SFXN5: variants seen among roughly 807,000 people sequenced by gnomAD.
The protein encoded by SFXN5 is sideroflexin 5.
A neutral mutation model predicts 50.2 loss-of-function variants in SFXN5; 43 were observed. The ratio of observed to expected loss-of-function variants is 0.86; its 90% confidence interval spans 0.67 to 1.11. The LOEUF (loss-of-function observed/expected upper bound fraction) is 1.11. Ranked by LOEUF, SFXN5 falls within the 50% of genes least tolerant of loss-of-function variation. SFXN5 has a pLI of 0.00. For missense variants in SFXN5, 463 were observed against 454.1 expected, an observed-to-expected ratio of 1.02 and a Z score of -0.18; for synonymous variants, 203 against 185.8, an observed-to-expected ratio of 1.09 and a Z score of -0.75.
intron 2 of SFXN5, chr2:73,049,269 A>G (rs1559203688): frequency 6.6e-6 from 1 of 152,280 alleles, no homozygotes; most frequent in Non-Finnish European, 1.5e-5. Flanking sequence ...ACCCTGTGTG[A>G]AACCTCTTTT....
At chr2:73,017,595 GA>G (rs1676332775) in intron 6 of SFXN5, among the ~76,000 whole-genome samples, 1 of 152,178 alleles carries the variant, frequency 6.6e-6, no homozygotes. Flanking sequence ...TAGCAATTCT[GA>G]AAACTCTTAT....
intron 8 of SFXN5, among the ~76,000 whole-genome samples, chr2:72,999,649 G>T (rs1454336917): frequency 6.6e-6 from 1 of 151,948 alleles, no homozygotes; most frequent in Non-Finnish European, 1.5e-5. Flanking sequence ...AGAGACTTGG[G>T]GTGGAGGTTT....
Position 73,029,987 on chromosome 2 carries a change from G to A in SFXN5, c.250-6773C>T, listed in dbSNP as rs555395465. Among the ~76,000 whole-genome samples the A allele has an allele frequency of 1.1e-3, 166 of 152,200 alleles. 1 individual carries two copies. Among genetic ancestry groups the A allele is most frequent in the African/African-American group, 3.5e-3 (147 of 41,534 alleles). On this transcript the variant is annotated intron_variant, in intron 3 of 13. Coordinates refer to ENST00000272433, the MANE Select transcript of SFXN5 (RefSeq NM_144579.3). ...CTTGGGAGGCTGAGGAAGGAGAATC[G>A]CCTGAGCCCAGGAAGCAGAGGCTGC...
rs933989691 is a variant in SFXN5 at position 73,071,477 on chromosome 2, C to T, written c.102+127G>A. The T allele has an allele frequency of 3.7e-6, 3 of 804,006 alleles. No homozygotes were observed. In the African/African-American group the frequency reaches 5.2e-5, roughly 14 times the overall value. The allele number at this position is 804,006 out of a possible 1,614,324, so 49.8% of individuals were successfully genotyped here. On this transcript the variant is annotated intron_variant, in intron 1 of 13. Coordinates refer to ENST00000272433, the MANE Select transcript of SFXN5 (RefSeq NM_144579.3). ...GGTGACTGTGACCGAGGTTCCCCCC[C>T]TGGCGCTAGCTGCAGGCTCCGCTGG...
At chr2:72,955,919 C>T (rs914645744) in intron 13 of SFXN5, among the ~76,000 whole-genome samples, 3 of 152,274 alleles carry the variant, frequency 2.0e-5, no homozygotes, top group Non-Finnish European at 2.9e-5. Flanking sequence ...ATAGCGGCCC[C>T]GGCAAGCTGC....
chr2:73,034,125 C>T (rs1255556574), intron 3 of SFXN5, among the ~76,000 whole-genome samples: 1 of 152,158 alleles, frequency 6.6e-6, no homozygotes, highest in East Asian at 1.9e-4. Context: ...ACTGCAGGGA[C>T]CCAGCCCACA....
intron 6 of SFXN5, among the ~76,000 whole-genome samples, chr2:73,016,680 G>A (rs1163124150): frequency 6.6e-6 from 1 of 152,154 alleles, no homozygotes; most frequent in Non-Finnish European, 1.5e-5. Context: ...CTCCAGCCTG[G>A]GAGACAGAGT....
chr2:72,979,329 A>T (rs1671012363), intron 10 of SFXN5, among the ~76,000 whole-genome samples: 1 of 152,178 alleles, frequency 6.6e-6, no homozygotes, highest in South Asian at 2.1e-4. Context: ...TGTTAATAGA[A>T]AAATTTCATA....
chr2:73,069,642 A>T (rs1683431800), intron 1 of SFXN5, among the ~76,000 whole-genome samples: 1 of 152,190 alleles, frequency 6.6e-6, no homozygotes, highest in African/African-American at 2.4e-5. Flanking sequence ...TGCCAAAAAG[A>T]AGTACCGCTA....
At chr2:73,053,887 C>G (rs1423003830) in intron 2 of SFXN5, among the ~76,000 whole-genome samples, 2 of 152,294 alleles carry the variant, frequency 1.3e-5, no homozygotes, top group East Asian at 3.9e-4. Flanking sequence ...TCCCAGGACA[C>G]CAGCCAAGGG....
At chr2:73,062,244 C>T (rs1027268177) in intron 1 of SFXN5, among the ~76,000 whole-genome samples, 3 of 152,144 alleles carry the variant, frequency 2.0e-5, no homozygotes, top group Non-Finnish European at 4.4e-5. Context: ...CCTTACATAT[C>T]TGGAAGGAAG....
Position 73,058,538 on chromosome 2 carries a change from AAG to A in SFXN5, c.159_160del (p.Phe54CysfsTer3), listed in dbSNP as rs768741790. 6.2e-7 allele frequency: 1 copy of A among 1,614,136 alleles called. No individual in the cohort carries two copies. The highest frequency in any genetic ancestry group is 1.1e-5 in the South Asian group (1 of 91,092). ...ACAGCCATGACTTACCTCAGTGACA[AAG>A]AGTGTGCGAGGGTCGATGATATCCA... On this transcript the variant is annotated frameshift_variant, in exon 2 of 14. Coordinates refer to ENST00000272433, the MANE Select transcript of SFXN5 (RefSeq NM_144579.3). LOFTEE classifies it high-confidence loss of function.
chr2:73,022,740 T>C (rs189145907), intron 4 of SFXN5, among the ~76,000 whole-genome samples, 164 bp from the exon 5 acceptor site: 16 of 152,236 alleles, frequency 1.1e-4, no homozygotes, highest in African/African-American at 3.9e-4. Flanking sequence ...TATGTTGCCT[T>C]GTGGCCAGTT....
At chr2:73,020,344 T>A in intron 5 of SFXN5, 80 bp from the exon 6 acceptor site, 1 of 1,449,030 alleles carries the variant, frequency 6.9e-7, no homozygotes, top group Non-Finnish European at 9.6e-7. Context: ...CCGGGTTAGG[T>A]CTTAGGCTAT....
Position 73,040,850 on chromosome 2 carries a change from T to C in SFXN5, c.249+4A>G. 1.2e-6 allele frequency: 2 copies of C among 1,608,798 alleles called. No homozygotes were observed. The highest frequency in any genetic ancestry group is 2.7e-5 in the African/African-American group (2 of 74,872). ...GGCCATGCTCCCACCTCCCACAGAG[T>C]TACCTGTTCATTGGTGACCCCCGGG... On this transcript the variant is annotated splice_donor_region_variant and intron_variant, in intron 3 of 13. Transcript: ENST00000272433.
intron 10 of SFXN5, among the ~76,000 whole-genome samples, chr2:72,980,537 G>T (rs995576483): frequency 3.3e-5 from 5 of 152,136 alleles, no homozygotes. Context: ...AGTAGCTTGA[G>T]AATTTGGGGA....
At chr2:73,050,398 A>G (rs1413915870) in intron 2 of SFXN5, among the ~76,000 whole-genome samples, 3 of 151,776 alleles carry the variant, frequency 2.0e-5, no homozygotes, top group South Asian at 2.1e-4. Context: ...GCACGCACAC[A>G]CACACACACA....
chr2:73,049,183 T>C (rs1476785778), intron 2 of SFXN5: 3 of 152,296 alleles, frequency 2.0e-5, no homozygotes, highest in Admixed American at 6.5e-5. Flanking sequence ...GAACCAGCAT[T>C]TGGTATCTGG....
At chr2:73,068,725 T>C (rs905397960) in intron 1 of SFXN5, among the ~76,000 whole-genome samples, 1 of 151,890 alleles carries the variant, frequency 6.6e-6, no homozygotes, top group Non-Finnish European at 1.5e-5. Context: ...AGCCCCCACT[T>C]CTGCAAAGTC....
Sources: gnomAD v4.1 joint callset for allele counts (sites outside exome capture counted in the v4.1 genomes callset) on GRCh38, gnomAD v4.1.1 for gene constraint, MANE v1.5 for transcripts, NCBI Gene and HGNC (gene_info 2026-07-23, HGNC 2026-07-21) for gene names.